IKZF2: variants seen among roughly 807,000 people sequenced by gnomAD.
IKZF2 encodes zinc finger protein Helios.
IKZF2 carries 15 observed loss-of-function variants against 49.2 expected under a neutral mutation model. The observed-to-expected ratio is 0.30, with a 90% CI of 0.20 to 0.47. The LOEUF is 0.47. Among genes scored for constraint, IKZF2 ranks in the 20% least tolerant of loss-of-function variants. The probability of loss-of-function intolerance (pLI) is 1.00; values close to 1 mark genes in which losing one functional copy is unlikely to be tolerated. For missense variants in IKZF2, 567 were observed against 664.6 expected, an observed-to-expected ratio of 0.85 and a Z score of 1.61; for synonymous variants, 227 against 221.4, an observed-to-expected ratio of 1.03 and a Z score of -0.23.
chr2:213,109,179 T>A (rs909002204), intron 4 of IKZF2, among the ~76,000 whole-genome samples: 1 of 152,200 alleles, frequency 6.6e-6, no homozygotes, highest in South Asian at 2.1e-4. Flanking sequence ...GGAGACTTAT[T>A]TTAGAAGTGA....
At chr2:213,045,211 C>G (rs1559201222) in intron 6 of IKZF2, among the ~76,000 whole-genome samples, 1 of 152,180 alleles carries the variant, frequency 6.6e-6, no homozygotes, top group African/African-American at 2.4e-5. Flanking sequence ...ATAATTCACA[C>G]TATACACCCA....
At position 213,006,228 on chromosome 2, in the gene IKZF2, A is replaced by C. The variant is rs975979531; in HGVS notation, c.*1132T>G. On this transcript the variant is annotated 3_prime_UTR_variant, in exon 9 of 9. Transcript: ENST00000434687. ...AGAAACAGCCGACAGGAAGACTTTT[A>C]AGACCTTCTACTCGAAGAGTAAAGG... is the stretch of plus-strand genomic sequence containing the variant. 5 of 152,334 alleles carry C rather than the reference A, an allele frequency of 3.3e-5. No homozygotes were observed. Among genetic ancestry groups the C allele is most frequent in the African/African-American group, 1.2e-4 (5 of 41,432 alleles). 9.4% of individuals were successfully genotyped at this position (152,334 alleles called of 1,614,324 possible). A position where few individuals can be genotyped will look rare whatever the true frequency, so the allele number is the denominator to read the frequency against.
rs147891875 is a variant in IKZF2 at position 213,117,094 on chromosome 2, T to C, written c.139+30614A>G. 1.8e-4 allele frequency among the ~76,000 whole-genome samples: 27 copies of C among 152,200 alleles called. 1 individual carries two copies. The East Asian group carries it at 5.2e-3, about 29-fold the overall frequency. On this transcript the variant is annotated intron_variant, in intron 4 of 8. Coordinates refer to ENST00000434687, the MANE Select transcript of IKZF2 (RefSeq NM_001387220.1). ...GGAAGAGAAGAAACAAATATTAAAA[T>C]ATTAGGCATCTGAGTATTCTGTGCT...
chr2:213,116,694 G>T (rs1302060871), intron 4 of IKZF2, among the ~76,000 whole-genome samples: 1 of 152,118 alleles, frequency 6.6e-6, no homozygotes, highest in African/African-American at 2.4e-5. Flanking sequence ...AGCCATGATC[G>T]CATCACTGCA....
At chr2:213,104,156 G>A (rs1259636750) in intron 4 of IKZF2, among the ~76,000 whole-genome samples, 2 of 151,572 alleles carry the variant, frequency 1.3e-5, no homozygotes, top group South Asian at 2.1e-4. Flanking sequence ...AAAACAGAAT[G>A]TGTTAACCTG....
At chr2:213,105,517 C>A in intron 4 of IKZF2, among the ~76,000 whole-genome samples, 1 of 128,896 alleles carries the variant, frequency 7.8e-6, no homozygotes, top group Non-Finnish European at 1.5e-5. Flanking sequence ...CTGACACACT[C>A]AAACATTCCC....
At chr2:213,142,908 A>G (rs2060922940) in intron 4 of IKZF2, among the ~76,000 whole-genome samples, 1 of 151,970 alleles carries the variant, frequency 6.6e-6, no homozygotes, top group Non-Finnish European at 1.5e-5. Flanking sequence ...AACATTTATA[A>G]TAAAGGAAAC....
At chr2:213,116,002 T>C (rs1574899719) in intron 4 of IKZF2, among the ~76,000 whole-genome samples, 1 of 152,174 alleles carries the variant, frequency 6.6e-6, no homozygotes, top group Admixed American at 6.5e-5. Context: ...GGTTAAACTC[T>C]TAAATATAGC....
At chr2:213,057,613 C>T (rs1388996990) in intron 4 of IKZF2, among the ~76,000 whole-genome samples, 1 of 152,134 alleles carries the variant, frequency 6.6e-6, no homozygotes, top group Admixed American at 6.6e-5. Flanking sequence ...CAGCAAATGT[C>T]TTTGACATAT....
At chr2:213,121,830 A>G (rs561029186) in intron 4 of IKZF2, among the ~76,000 whole-genome samples, 21 of 152,242 alleles carry the variant, frequency 1.4e-4, no homozygotes, top group Non-Finnish European at 1.9e-4. Flanking sequence ...CACACTAATC[A>G]GCTGTTGAAA....
At chr2:213,076,620 AGAG>A (rs1703291808) in intron 4 of IKZF2, among the ~76,000 whole-genome samples, 1 of 152,240 alleles carries the variant, frequency 6.6e-6, no homozygotes, top group Non-Finnish European at 1.5e-5. Context: ...AATATAGAAA[AGAG>A]AATAAATGAG....
At chr2:213,075,896 A>G (rs1703211146) in intron 4 of IKZF2, among the ~76,000 whole-genome samples, 1 of 152,160 alleles carries the variant, frequency 6.6e-6, no homozygotes, top group Non-Finnish European at 1.5e-5. Flanking sequence ...CAAAGAACTC[A>G]TAAAATAATC....
At chr2:213,131,911 T>C (rs370891300) in intron 4 of IKZF2, among the ~76,000 whole-genome samples, 1 of 152,180 alleles carries the variant, frequency 6.6e-6, no homozygotes, top group Non-Finnish European at 1.5e-5. Flanking sequence ...TAACTCACAA[T>C]ATATTTTAAA....
chr2:213,072,665 T>C (rs1702835862), intron 4 of IKZF2, among the ~76,000 whole-genome samples: 1 of 152,174 alleles, frequency 6.6e-6, no homozygotes, highest in Non-Finnish European at 1.5e-5. Flanking sequence ...ACCATATTTA[T>C]TTGTTTCCCC....
At chr2:213,137,022 C>T (rs924261205) in intron 4 of IKZF2, among the ~76,000 whole-genome samples, 2 of 152,088 alleles carry the variant, frequency 1.3e-5, no homozygotes, top group Non-Finnish European at 2.9e-5. Context: ...TATTCAAATG[C>T]ATCCCCAAAA....
chr2:213,100,934 T>C (rs1207875142), intron 4 of IKZF2, among the ~76,000 whole-genome samples: 1 of 152,014 alleles, frequency 6.6e-6, no homozygotes, highest in Non-Finnish European at 1.5e-5. Context: ...GATTTCAACG[T>C]AATGTTTTGT....
At chr2:213,106,464 C>G (rs961469126) in intron 4 of IKZF2, among the ~76,000 whole-genome samples, 2 of 151,588 alleles carry the variant, frequency 1.3e-5, no homozygotes, top group African/African-American at 4.8e-5. Flanking sequence ...CATAGTGAGA[C>G]CTCGGATCTA....
chr2:213,056,482 A>G (rs543874575), intron 5 of IKZF2: 1 of 360,922 alleles, frequency 2.8e-6, no homozygotes, highest in East Asian at 6.8e-5. Context: ...CTTATCTAGC[A>G]AACTATATTA....
At chr2:213,130,166 T>C (rs914337740) in intron 4 of IKZF2, among the ~76,000 whole-genome samples, 1 of 152,222 alleles carries the variant, frequency 6.6e-6, no homozygotes, top group Non-Finnish European at 1.5e-5. Context: ...TCTAGTTTTC[T>C]GATGTCCTCT....
Sources: allele counts gnomAD v4.1 joint callset (sites outside exome capture counted in the v4.1 genomes callset), GRCh38; gene constraint gnomAD v4.1.1; transcripts MANE v1.5; gene names NCBI Gene and HGNC (gene_info 2026-07-23, HGNC 2026-07-21).